The following C19orf44 variants were observed in gnomAD, a reference collection of about 807,000 sequenced individuals.
C19orf44 encodes uncharacterized protein C19orf44.
C19orf44 carries 43 observed loss-of-function variants against 50.7 expected under a neutral mutation model. The observed-to-expected ratio is 0.85, with a 90% CI of 0.66 to 1.09. The LOEUF (loss-of-function observed/expected upper bound fraction) is 1.09. Ranked by LOEUF, C19orf44 falls within the 50% of genes least tolerant of loss-of-function variation. The probability of loss-of-function intolerance (pLI) is 0.00; values close to 1 mark genes in which losing one functional copy is unlikely to be tolerated. For synonymous variants in C19orf44, 298 were observed against 334.7 expected (o/e 0.89, Z 1.20); for missense variants, 722 against 836.2 (o/e 0.86, Z 1.68).
intron 4 of C19orf44, 99 bp downstream of exon 4, chr19:16,506,873 ACT>A: frequency 1.2e-6 from 1 of 853,276 alleles, no homozygotes; most frequent in Non-Finnish European, 1.8e-6. Context: ...GCAGGGTCTC[ACT>A]ATGTTGCCCA....
rs775675044 is a variant in C19orf44, at chr19:16,503,101, G to C, written c.796G>C (p.Val266Leu). ...ACTGAGAGCATTTACTGTACCCAGC[G>C]TGGAACTCTCCAGCGCAAAGCCTTC... The part of the protein sequence containing the change: ...SQLRAFTVPS[V>L]ELSSAKPSQT... The change falls in exon 3 of 9, where the codon GTG becomes CTG. Residue 266 changes from valine (V) to leucine (L), a missense_variant. Transcript: ENST00000221671. The C allele has an allele frequency of 6.2e-7, 1 of 1,613,898 alleles. No homozygotes were observed. Among genetic ancestry groups the C allele is most frequent in the African/African-American group, 1.3e-5 (1 of 74,894 alleles).
At chr19:16,506,584 C>G (rs2093441160) in intron 3 of C19orf44, 117 bp from the exon 4 acceptor site, 1 of 676,714 alleles carries the variant, frequency 1.5e-6, no homozygotes, top group South Asian at 2.4e-5. Context: ...CAGAGTGAGA[C>G]TCTATCTCAA....
chr19:16,520,386 A>T lies in C19orf44; in HGVS notation c.*333A>T, dbSNP rs1568503909. On this transcript the variant is annotated 3_prime_UTR_variant, in exon 9 of 9. Coordinates refer to ENST00000221671, the MANE Select transcript of C19orf44 (RefSeq NM_032207.4). The surrounding 1 kb of genome is among the most constrained non-coding windows in gnomAD (Gnocchi z 4.0). ...TACCTAGATCTGGAGCGGGAGTAGG[A>T]ACGGGAGCAGGAGCGCGACCTTGAC... 6.2e-7 allele frequency: 1 copy of T among 1,613,826 alleles called. No individual in the cohort carries two copies. Among genetic ancestry groups the T allele is most frequent in the East Asian group, 2.2e-5 (1 of 44,854 alleles).
At position 16,517,210 on chromosome 19, in the gene C19orf44, GTC is replaced by G; in HGVS notation, c.1903-18_1903-17del. On this transcript the variant is annotated intron_variant, in intron 7 of 8. Coordinates refer to ENST00000221671, the MANE Select transcript of C19orf44 (RefSeq NM_032207.4). The stretch of plus-strand genomic sequence containing the variant: ...CTGAGGTGACGATGGTGATGGCGTG[GTC>G]TGTTCTCTGCCTGACAGTACATTAG... 1.2e-6 allele frequency: 2 copies of G among 1,612,128 alleles called. No homozygotes were observed. Among genetic ancestry groups the G allele is most frequent in the South Asian group, 2.2e-5 (2 of 90,944 alleles).
chr19:16,510,234 TC>T, intron 5 of C19orf44: 1 of 477,096 alleles, frequency 2.1e-6, no homozygotes, highest in Non-Finnish European at 3.8e-6. Flanking sequence ...CAGGGAACCC[TC>T]ATCTCTACTA....
intron 4 of C19orf44, among the ~76,000 whole-genome samples, chr19:16,509,191 C>T (rs1220932051): frequency 1.3e-5 from 2 of 152,080 alleles, no homozygotes; most frequent in Non-Finnish European, 2.9e-5. Flanking sequence ...TCTTGAACTC[C>T]TGAGCTCAAA....
intron 1 of C19orf44, 71 bp downstream of exon 1, chr19:16,496,536 G>C: frequency 3.3e-6 from 1 of 304,568 alleles, no homozygotes; most frequent in Non-Finnish European, 6.4e-6. Flanking sequence ...GGGAAATGGG[G>C]CCTTCTCCGG....
chr19:16,518,410 G>C (rs1162623184), intron 8 of C19orf44: 1 of 152,112 alleles, frequency 6.6e-6, no homozygotes, highest in African/African-American at 2.4e-5. Flanking sequence ...TTTCCTGTTA[G>C]AATCTTGTTT....
At chr19:16,514,219 C>T (rs2093465273) in intron 6 of C19orf44, among the ~76,000 whole-genome samples, 1 of 151,520 alleles carries the variant, frequency 6.6e-6, no homozygotes, top group Non-Finnish European at 1.5e-5. Flanking sequence ...GTCTCAAACT[C>T]CTGATCTCGA....
chr19:16,521,092 C>T lies in C19orf44; in HGVS notation c.*1039C>T. 1.6e-6 allele frequency: 1 copy of T among 631,992 alleles called. No homozygotes were observed. The allele number at this position is 631,992 out of a possible 1,614,324, so 39.1% of individuals were successfully genotyped here. ...TTCCCACAGGGCTGTCCTCCTGCAG[C>T]CCAGTGGCTCCTCTGGTGCCCACGC... On this transcript the variant is annotated 3_prime_UTR_variant, in exon 9 of 9. Coordinates refer to ENST00000221671, the MANE Select transcript of C19orf44 (RefSeq NM_032207.4).
intron 1 of C19orf44, among the ~76,000 whole-genome samples, chr19:16,500,032 C>T (rs1387341939): frequency 6.6e-6 from 1 of 152,072 alleles, no homozygotes; most frequent in Admixed American, 6.6e-5. Context: ...CGTGATCCAC[C>T]CACCACGGCC....
intron 8 of C19orf44, chr19:16,518,714 G>A (rs2085573324): frequency 5.6e-6 from 1 of 179,614 alleles, no homozygotes; most frequent in Non-Finnish European, 1.1e-5. Context: ...GCCAGGTCAG[G>A]GCCGGTGGGT....
At chr19:16,514,971 C>T (rs2093467778) in intron 7 of C19orf44, among the ~76,000 whole-genome samples, 2 of 152,230 alleles carry the variant, frequency 1.3e-5, no homozygotes, top group Admixed American at 6.5e-5. Flanking sequence ...GGGTCCTGTC[C>T]CTTTCCCTGA....
Position 16,520,047 on chromosome 19 carries a change from G to A in C19orf44, c.*41-47G>A, listed in dbSNP as rs886436526. 6 of 1,221,242 alleles carry A rather than the reference G, an allele frequency of 4.9e-6. No homozygotes were observed. The highest frequency in any genetic ancestry group is 4.5e-5 in the African/African-American group (3 of 66,746). 75.7% of individuals were successfully genotyped at this position (1,221,242 alleles called of 1,614,324 possible). ...CCACTGTCCCCGGGCTAATGCTGGC[G>A]GCCTCCTAACACAGTCTCCTAACCA... On this transcript the variant is annotated intron_variant, in intron 8 of 8. Coordinates refer to ENST00000221671, the MANE Select transcript of C19orf44 (RefSeq NM_032207.4). This position sits in a 1 kb window ranked among gnomAD's most constrained non-coding sequence, Gnocchi z 4.0.
intron 3 of C19orf44, among the ~76,000 whole-genome samples, chr19:16,505,717 C>G (rs984694405): frequency 4.6e-5 from 7 of 151,898 alleles, no homozygotes; most frequent in Non-Finnish European, 8.8e-5. Flanking sequence ...GAGCCTTGCT[C>G]TGTCACCCGG....
intron 6 of C19orf44, among the ~76,000 whole-genome samples, chr19:16,513,508 C>T (rs996404532): frequency 8.5e-5 from 13 of 152,192 alleles, no homozygotes; most frequent in Admixed American, 5.2e-4. Context: ...CTCAGCCTCC[C>T]GAGTAGCTGG....
chr19:16,517,153 C>T, intron 7 of C19orf44, 77 bp from the exon 8 acceptor site: 1 of 1,365,266 alleles, frequency 7.3e-7, no homozygotes, highest in Non-Finnish European at 1.0e-6. Context: ...GCTGGCTCCA[C>T]TCCCTCCTCC....
chr19:16,517,549 A>G (rs2085553907), intron 8 of C19orf44, among the ~76,000 whole-genome samples: 1 of 152,202 alleles, frequency 6.6e-6, no homozygotes. Context: ...ATCCCAGCTC[A>G]GTGACAGCTC....
At chr19:16,506,834 TTA>T in intron 4 of C19orf44, 60 bp downstream of exon 4, 1 of 1,294,724 alleles carries the variant, frequency 7.7e-7, no homozygotes, top group Non-Finnish European at 1.1e-6. Flanking sequence ...ATTTTTTTTT[TTA>T]AATTTTTAAA....
Sources: gnomAD v4.1 joint callset for allele counts (sites outside exome capture counted in the v4.1 genomes callset) on GRCh38, gnomAD v4.1.1 for gene constraint, Gnocchi (gnomAD v3.1) non-coding constraint, MANE v1.5 for transcripts, NCBI Gene and HGNC (gene_info 2026-07-23, HGNC 2026-07-21) for gene names.